The following BCL2 variants were observed in gnomAD, a reference collection of about 807,000 sequenced individuals.
The protein encoded by BCL2 is apoptosis regulator Bcl-2.
Under a neutral mutation model 14.2 loss-of-function variants are expected in BCL2, and 1 was observed. The observed-to-expected ratio is 0.07, with a 90% CI of 0.02 to 0.33. The LOEUF (loss-of-function observed/expected upper bound fraction) is 0.33, where lower values mean the gene tolerates loss of function less well. Among genes scored for constraint, BCL2 ranks in the 10% least tolerant of loss-of-function variants. The pLI, the probability that BCL2 is intolerant of heterozygous loss-of-function variation, is 0.99. For missense variants in BCL2, 247 were observed against 305.9 expected, an observed-to-expected ratio of 0.81 and a Z score of 1.44; for synonymous variants, 151 against 137.2, an observed-to-expected ratio of 1.10 and a Z score of -0.70.
intron 2 of BCL2, among the ~76,000 whole-genome samples, chr18:63,219,031 C>T (rs771078309): frequency 6.6e-6 from 1 of 152,192 alleles, no homozygotes; most frequent in African/African-American, 2.4e-5. Context: ...TGCACTCATC[C>T]AACACTTTAT....
At chr18:63,198,783 A>G (rs1909561593) in intron 2 of BCL2, among the ~76,000 whole-genome samples, 2 of 140,894 alleles carry the variant, frequency 1.4e-5, no homozygotes, top group African/African-American at 2.7e-5. Flanking sequence ...ACACAGACAC[A>G]GAGACACAGA....
intron 2 of BCL2, among the ~76,000 whole-genome samples, chr18:63,131,198 C>G (rs930783402): frequency 6.6e-6 from 1 of 152,174 alleles, no homozygotes; most frequent in African/African-American, 2.4e-5. Context: ...TGTGTGTCAA[C>G]AGCATTGGTC....
At chr18:63,190,445 A>G (rs1909258872) in intron 2 of BCL2, among the ~76,000 whole-genome samples, 1 of 152,244 alleles carries the variant, frequency 6.6e-6, no homozygotes, top group African/African-American at 2.4e-5. Context: ...ATAAGGTTAG[A>G]TCCCAAGTAC....
intron 2 of BCL2, among the ~76,000 whole-genome samples, chr18:63,230,710 A>C (rs1212444539): frequency 6.6e-6 from 1 of 152,112 alleles, no homozygotes; most frequent in African/African-American, 2.4e-5. Flanking sequence ...TAAATCTAAA[A>C]ACAGATAAAA....
At chr18:63,134,341 C>CT (rs1277595910) in intron 2 of BCL2, among the ~76,000 whole-genome samples, 3 of 152,150 alleles carry the variant, frequency 2.0e-5, no homozygotes, top group Non-Finnish European at 2.9e-5. Flanking sequence ...GACAAAAATG[C>CT]TGGGAGATGA....
chr18:63,288,982 T>C (rs1169474924), intron 2 of BCL2, among the ~76,000 whole-genome samples: 1 of 152,094 alleles, frequency 6.6e-6, no homozygotes, highest in Non-Finnish European at 1.5e-5. Flanking sequence ...TATGTAATTG[T>C]TGAATGAATG....
Position 63,282,104 on chromosome 18 carries a change from G to C in BCL2, c.585+35978C>G, listed in dbSNP as rs377646983. Reference sequence around the variant, plus strand: ...ATTTGACTGTAGCCCATAGCCTTTTGTCGGCTAAAGTGAGCTTAATGCTGA... The same window carrying C: ...ATTTGACTGTAGCCCATAGCCTTTTCTCGGCTAAAGTGAGCTTAATGCTGA... On this transcript the variant is annotated intron_variant, in intron 2 of 2. Coordinates refer to ENST00000333681, the MANE Select transcript of BCL2 (RefSeq NM_000633.3). Among the ~76,000 whole-genome samples, 4 of 152,256 alleles carry C rather than the reference G, an allele frequency of 2.6e-5. No homozygotes were observed. The South Asian group carries it at 6.2e-4, about 24-fold the overall frequency.
intron 2 of BCL2, chr18:63,302,961 GTTTGTT>G: frequency 1.1e-6 from 1 of 870,484 alleles, no homozygotes; most frequent in Non-Finnish European, 1.4e-6. Flanking sequence ...CTGAAGGTGG[GTTTGTT>G]TTTAAGTAGA....
chr18:63,243,139 T>C (rs571212534), intron 2 of BCL2, among the ~76,000 whole-genome samples: 10 of 152,156 alleles, frequency 6.6e-5, no homozygotes, highest in Non-Finnish European at 1.3e-4. Flanking sequence ...TAAAGAAAAT[T>C]TGGTACATAT....
At chr18:63,287,488 G>T (rs139796557) in intron 2 of BCL2, among the ~76,000 whole-genome samples, 2,645 of 152,232 alleles carry the variant, frequency 0.017, 27 homozygotes, top group Admixed American at 0.036. Flanking sequence ...CAGGGCTAAG[G>T]GTTAGGGGGT....
At chr18:63,145,371 C>T (rs1220960779) in intron 2 of BCL2, among the ~76,000 whole-genome samples, 1 of 121,354 alleles carries the variant, frequency 8.2e-6, no homozygotes, top group Non-Finnish European at 1.6e-5. Flanking sequence ...CCTGGCCACT[C>T]GCCCCACTGC....
chr18:63,129,011 A>G (rs1599196673), intron 2 of BCL2, among the ~76,000 whole-genome samples: 1 of 152,226 alleles, frequency 6.6e-6, no homozygotes, highest in African/African-American at 2.4e-5. Flanking sequence ...AAAATAGACT[A>G]AAAGTTCCTA....
chr18:63,185,621 C>T (rs546842633), intron 2 of BCL2, among the ~76,000 whole-genome samples: 94 of 152,332 alleles, frequency 6.2e-4, no homozygotes, highest in South Asian at 6.0e-3. Context: ...TAAAGTCATT[C>T]TGCTGATCTG....
At chr18:63,206,553 T>C (rs1028740545) in intron 2 of BCL2, among the ~76,000 whole-genome samples, 4 of 152,274 alleles carry the variant, frequency 2.6e-5, no homozygotes, top group African/African-American at 9.6e-5. Flanking sequence ...ACATTTGGAG[T>C]CCCTGTGAGG....
At position 63,158,758 on chromosome 18, in the gene BCL2, G is replaced by A. The variant is rs564001258; in HGVS notation, c.586-29999C>T. Among the ~76,000 whole-genome samples, 144 of 152,234 alleles carry A rather than the reference G, an allele frequency of 9.5e-4. 1 individual carries two copies. Among genetic ancestry groups the A allele is most frequent in the African/African-American group, 2.9e-3 (122 of 41,516 alleles). ...AATGCCAAGAGAAATTTATAGCGCC[G>A]CCTGTCTGCCCACCATTTAGGCACT... On this transcript the variant is annotated intron_variant, in intron 2 of 2. Coordinates refer to ENST00000333681, the MANE Select transcript of BCL2 (RefSeq NM_000633.3).
intron 2 of BCL2, among the ~76,000 whole-genome samples, chr18:63,140,153 G>A (rs1478140265): frequency 6.6e-6 from 1 of 152,186 alleles, no homozygotes; most frequent in African/African-American, 2.4e-5. Flanking sequence ...AATAACAAGT[G>A]TTGGCAAGGA....
intron 2 of BCL2, among the ~76,000 whole-genome samples, chr18:63,303,829 A>C (rs1033991701): frequency 5.3e-5 from 8 of 152,194 alleles, no homozygotes; most frequent in Non-Finnish European, 1.0e-4. Flanking sequence ...CATAAATGGA[A>C]ATGGGGAAAT....
chr18:63,180,409 C>T (rs186770904), intron 2 of BCL2, among the ~76,000 whole-genome samples: 1 of 152,254 alleles, frequency 6.6e-6, no homozygotes, highest in Admixed American at 6.5e-5. Context: ...CTTTGTGAAA[C>T]GGAAAACAAA....
chr18:63,146,259 C>T (rs549594198), intron 2 of BCL2, among the ~76,000 whole-genome samples: 46 of 152,306 alleles, frequency 3.0e-4, no homozygotes, highest in Admixed American at 2.5e-3. Flanking sequence ...AAGTGTTGGC[C>T]GAGTGAAACA....
Sources: gnomAD v4.1 joint callset for allele counts (sites outside exome capture counted in the v4.1 genomes callset) on GRCh38, gnomAD v4.1.1 for gene constraint, MANE v1.5 for transcripts, NCBI Gene and HGNC (gene_info 2026-07-23, HGNC 2026-07-21) for gene names.